ZFHX3: variants seen among roughly 807,000 people sequenced by gnomAD.
ZFHX3 encodes the protein zinc finger homeobox protein 3.
In ZFHX3, 42 loss-of-function variants were observed where a neutral mutation model predicts 279.1. The ratio of observed to expected loss-of-function variants is 0.15; its 90% CI spans 0.12 to 0.19. ZFHX3 has a LOEUF of 0.19. Among genes scored for constraint, ZFHX3 ranks in the 10% least tolerant of loss-of-function variants. The probability of loss-of-function intolerance (pLI) is 1.00; values close to 1 mark genes in which losing one functional copy is unlikely to be tolerated. For missense variants in ZFHX3, 4,981 were observed against 4,754.0 expected (o/e 1.05, Z -1.40); for synonymous variants, 2,293 against 1,957.8 (o/e 1.17, Z -4.52).
At chr16:73,337,422 G>T (rs1229642649) in intron 3 of ZFHX3, among the ~76,000 whole-genome samples, 1 of 152,132 alleles carries the variant, frequency 6.6e-6, no homozygotes, top group Non-Finnish European at 1.5e-5. Flanking sequence ...CATAGTGCCA[G>T]GAAGTGGGTG....
chr16:73,680,389 A>C (rs1000240335), intron 1 of ZFHX3: 1 of 152,238 alleles, frequency 6.6e-6, no homozygotes, highest in Admixed American at 6.5e-5. Context: ...GTTCAAAGCC[A>C]TGGAGGTCAC....
intron 8 of ZFHX3, among the ~76,000 whole-genome samples, chr16:73,068,855 G>C (rs1965789316): frequency 2.6e-5 from 4 of 152,218 alleles, no homozygotes; most frequent in Admixed American, 1.3e-4. Flanking sequence ...CTGTGGGTGG[G>C]GCAGCTCCAC....
At chr16:72,873,536 T>A (rs1459927360) in intron 4 of ZFHX3, among the ~76,000 whole-genome samples, 1 of 152,246 alleles carries the variant, frequency 6.6e-6, no homozygotes, top group African/African-American at 2.4e-5. Flanking sequence ...TACGTGTTTA[T>A]AGATTTTCCC....
intron 5 of ZFHX3, among the ~76,000 whole-genome samples, chr16:72,812,286 G>T (rs2036479592): frequency 6.6e-6 from 1 of 151,492 alleles, no homozygotes; most frequent in Admixed American, 6.6e-5. Context: ...CAAAGAAATG[G>T]AATAAAAGGC....
intron 5 of ZFHX3, among the ~76,000 whole-genome samples, chr16:73,157,465 T>TAA (rs1297201223): frequency 0.014 from 1,036 of 76,524 alleles, 40 homozygotes; most frequent in African/African-American, 0.058. Flanking sequence ...GAATGTTTGG[T>TAA]AAAAAAAAAA....
At chr16:72,978,308 C>T (rs187820684) in intron 1 of ZFHX3, among the ~76,000 whole-genome samples, 19 of 152,308 alleles carry the variant, frequency 1.2e-4, no homozygotes, top group Admixed American at 4.6e-4. Flanking sequence ...CCCTCTCACA[C>T]GCCTGATGAG....
At chr16:73,520,686 T>C (rs1273184213) in intron 2 of ZFHX3, among the ~76,000 whole-genome samples, 1 of 152,234 alleles carries the variant, frequency 6.6e-6, no homozygotes, top group Non-Finnish European at 1.5e-5. Flanking sequence ...AAATGTTAAT[T>C]GAATGAATAA....
At chr16:73,575,537 C>G (rs930250909) in intron 2 of ZFHX3, among the ~76,000 whole-genome samples, 1 of 152,048 alleles carries the variant, frequency 6.6e-6, no homozygotes, top group Non-Finnish European at 1.5e-5. Flanking sequence ...AACATGGGAC[C>G]GATAGAAGGG....
In ZFHX3 at chr16:73,004,159, C is replaced by G. The variant is rs1164024783; in HGVS notation, c.-50+43593G>C. The stretch of plus-strand genomic sequence containing the variant: ...CAATAATAACTACATAAAAACACGA[C>G]TTTTTTTTTTTTTTTTTTTTTTTTT... On this transcript the variant is annotated intron_variant, in intron 1 of 9. Transcript: ENST00000268489. Among the ~76,000 whole-genome samples, 27 of 49,372 alleles carry G rather than the reference C, an allele frequency of 5.5e-4. No individual in the cohort carries two copies. In the South Asian group the frequency reaches 0.019, roughly 35 times the overall value. The allele number at this position is 49,372 out of a possible 152,430, so 32.4% of individuals were successfully genotyped here.
Position 73,739,063 on chromosome 16 carries a change from G to A in ZFHX3, c.-1607-58823C>T, listed in dbSNP as rs909832357. On this transcript the variant is annotated intron_variant, in intron 1 of 17. Transcript: ENST00000641206. Reference sequence around the variant, plus strand: ...TCTGTCCCTCGGACAAGGAGCGGTCGAGGCTTCCTGCTGTTGCAAATCTTT... The same window carrying A: ...TCTGTCCCTCGGACAAGGAGCGGTCAAGGCTTCCTGCTGTTGCAAATCTTT... 3.3e-5 allele frequency among the ~76,000 whole-genome samples: 5 copies of A among 152,142 alleles called. No homozygotes were observed. In the South Asian group the frequency reaches 6.2e-4, roughly 19 times the overall value.
chr16:73,238,242 T>C (rs989770026), intron 5 of ZFHX3, among the ~76,000 whole-genome samples: 2 of 152,206 alleles, frequency 1.3e-5, no homozygotes, highest in Non-Finnish European at 2.9e-5. Flanking sequence ...AACACTTTGT[T>C]TTGTGTAATG....
intron 1 of ZFHX3, among the ~76,000 whole-genome samples, chr16:73,849,757 G>C (rs533375479): frequency 6.6e-6 from 1 of 152,298 alleles, no homozygotes; most frequent in African/African-American, 2.4e-5. Flanking sequence ...TTTTGAGACG[G>C]ACTCTCGCTC....
chr16:73,179,596 G>A (rs1160007716), intron 5 of ZFHX3, among the ~76,000 whole-genome samples: 4 of 152,170 alleles, frequency 2.6e-5, no homozygotes, highest in Non-Finnish European at 4.4e-5. Flanking sequence ...AACTGCTCAC[G>A]TGGAAATTGG....
intron 1 of ZFHX3, among the ~76,000 whole-genome samples, chr16:72,971,922 G>T (rs1385178495): frequency 1.7e-5 from 2 of 119,534 alleles, no homozygotes; most frequent in African/African-American, 3.4e-5. Flanking sequence ...GTTTCACCCT[G>T]CTGCCCAGGT....
intron 1 of ZFHX3, among the ~76,000 whole-genome samples, chr16:73,732,488 T>G (rs1165003366): frequency 6.6e-6 from 1 of 152,220 alleles, no homozygotes; most frequent in Non-Finnish European, 1.5e-5. Flanking sequence ...GCTATTCTGG[T>G]GTTTCATATG....
Position 72,785,843 on chromosome 16 carries a change from T to TAAATAAA in ZFHX3, c.*1314_*1320dup, listed in dbSNP as rs1395419811. Reference sequence around the variant, plus strand: ...AAAGAAAAAAAAGCCAAAAGAAGGATAAATAAAAAATAAATGCACAAAGCT... The same window carrying TAAATAAA: ...AAAGAAAAAAAAGCCAAAAGAAGGATAAATAAAAAATAAAAAATAAATGCACAAAGCT... On this transcript the variant is annotated 3_prime_UTR_variant, in exon 10 of 10. Transcript: ENST00000268489. 1.3e-5 allele frequency: 2 copies of TAAATAAA among 151,674 alleles called. No individual in the cohort carries two copies. The highest frequency in any genetic ancestry group is 2.9e-5 in the Non-Finnish European group (2 of 67,882). The allele number at this position is 151,674 out of a possible 1,614,324, so 9.4% of individuals were successfully genotyped here.
chr16:72,949,645 G>A (rs776004695), intron 3 of ZFHX3, among the ~76,000 whole-genome samples: 15 of 151,862 alleles, frequency 9.9e-5, no homozygotes, highest in Non-Finnish European at 2.1e-4. Context: ...AGGAAAGAGG[G>A]AAGAGGAGAA....
chr16:73,613,073 G>A (rs558398035), intron 2 of ZFHX3, among the ~76,000 whole-genome samples: 17 of 152,262 alleles, frequency 1.1e-4, no homozygotes, highest in African/African-American at 3.6e-4. Context: ...TTGAATTTGG[G>A]AAACAGATGA....
In ZFHX3 at chr16:73,097,465, T is replaced by A. The variant is rs143607707; in HGVS notation, c.-896-3867A>T. On this transcript the variant is annotated intron_variant, in intron 7 of 17. Coordinates refer to the ZFHX3 transcript ENST00000641206. ...TTTATGTAATTTCCCATGAATAGCTTTCATGACTTTTCAACTGGATTATCT... is the reference window on the plus strand; with the variant it reads ...TTTATGTAATTTCCCATGAATAGCTATCATGACTTTTCAACTGGATTATCT... Among the ~76,000 whole-genome samples, 264 of 152,316 alleles carry A rather than the reference T, an allele frequency of 1.7e-3. 3 individuals carry two copies. The Middle Eastern group carries it at 0.031, about 18-fold the overall frequency.
Sources: gnomAD v4.1 joint callset for allele counts (sites outside exome capture counted in the v4.1 genomes callset) on GRCh38, gnomAD v4.1.1 for gene constraint, MANE v1.5 for transcripts, NCBI Gene and HGNC (gene_info 2026-07-23, HGNC 2026-07-21) for gene names.